PHLDB3: variants seen among roughly 807,000 people sequenced by gnomAD.
The protein encoded by PHLDB3 is pleckstrin homology like domain family B member 3, also known as pleckstrin homology-like domain family B member 3.
Under a neutral mutation model 85.7 loss-of-function variants are expected in PHLDB3, and 86 were observed. That is an observed-to-expected ratio of 1.00 (90% CI 0.84 to 1.20). PHLDB3 has a LOEUF of 1.20. Among genes scored for constraint, PHLDB3 ranks in the 50% most tolerant of loss-of-function variants. The pLI, the probability that PHLDB3 is intolerant of heterozygous loss-of-function variation, is 0.00. For synonymous variants in PHLDB3, 376 were observed against 349.8 expected, an observed-to-expected ratio of 1.07 and a Z score of -0.83; for missense variants, 995 against 873.0, an observed-to-expected ratio of 1.14 and a Z score of -1.76.
chr19:43,495,000 T>G (rs984578064), intron 8 of PHLDB3, among the ~76,000 whole-genome samples, 185 bp from the exon 9 acceptor site: 1 of 90,238 alleles, frequency 1.1e-5, no homozygotes, highest in Non-Finnish European at 2.2e-5. Flanking sequence ...GACTCCTGGC[T>G]CCCTGAGGAG....
At chr19:43,498,378 G>GAGAA (rs980504173) in intron 4 of PHLDB3, among the ~76,000 whole-genome samples, 5 of 150,652 alleles carry the variant, frequency 3.3e-5, no homozygotes, top group Non-Finnish European at 7.4e-5. Flanking sequence ...GAAAGAAAGA[G>GAGAA]AGAAAGAGGG....
intron 13 of PHLDB3, among the ~76,000 whole-genome samples, chr19:43,483,600 C>T (rs1308734388): frequency 9.2e-5 from 14 of 152,062 alleles, no homozygotes; most frequent in South Asian, 2.1e-4. Flanking sequence ...TATAACAAAA[C>T]GCATTGATTC....
Position 43,475,545 on chromosome 19 carries a change from C to G in PHLDB3, c.1789-1G>C. On this transcript the variant is annotated splice_acceptor_variant, in intron 15 of 15. Coordinates refer to ENST00000292140, the MANE Select transcript of PHLDB3 (RefSeq NM_198850.4). LOFTEE classifies it high-confidence loss of function. Reference sequence around the variant, plus strand: ...AGAAGGTCAGGCGGGGGTTGGGGCTCTGGAATAAGCAGAAAGTGAGGGTAA... The same window carrying G: ...AGAAGGTCAGGCGGGGGTTGGGGCTGTGGAATAAGCAGAAAGTGAGGGTAA... 6.2e-7 allele frequency: 1 copy of G among 1,613,816 alleles called. No individual in the cohort carries two copies.
At position 43,490,058 on chromosome 19, in the gene PHLDB3, G is replaced by T. The variant is rs137987045; in HGVS notation, c.1150-2935C>A. On this transcript the variant is annotated intron_variant, in intron 9 of 15. Coordinates refer to ENST00000292140, the MANE Select transcript of PHLDB3 (RefSeq NM_198850.4). ...GAGAGAGAAAAAGGAAGGAAGGAAG[G>T]AAGGAAGGGAAGGAGGAAGGGAGGG... Among the ~76,000 whole-genome samples the T allele has an allele frequency of 1.9e-3, 257 of 135,694 alleles. 1 individual carries two copies. Among genetic ancestry groups the T allele is most frequent in the Admixed American group, 4.2e-3 (55 of 13,112 alleles). 89.0% of individuals were successfully genotyped at this position (135,694 alleles called of 152,430 possible). A position where few individuals can be genotyped will look rare whatever the true frequency, so the allele number is the denominator to read the frequency against.
rs1312481123 is a variant in PHLDB3, at chr19:43,503,984, C to G, written c.135G>C (p.Ser45=). 1 of 1,613,960 alleles carries G rather than the reference C, an allele frequency of 6.2e-7. No individual in the cohort carries two copies. Among genetic ancestry groups the G allele is most frequent in the Non-Finnish European group, 8.5e-7 (1 of 1,179,822 alleles). ...QEASEVLAEP[S]SRGGAEQQAE... ...CCTGCTGCTCAGCTCCCCCGCGGCT[C>G]GAAGGTTCCGCCAGGACTTCGGATG... The change falls in exon 2 of 16, where the codon TCG becomes TCC. Residue 45 remains serine (S), a synonymous_variant. Transcript: ENST00000292140.
chr19:43,486,832 C>A lies in PHLDB3; in HGVS notation c.1288G>T (p.Asp430Tyr). ...EASALPPAVG[D>Y]SGRYPLYQLL... is the part of the protein sequence containing the mutation. Reference sequence around the variant, plus strand: ...TGGTAGAGGGGGTATCTGCCGGAGTCCCCCACTGCTGGCGGGAGAGCTGAG... The same window carrying A: ...TGGTAGAGGGGGTATCTGCCGGAGTACCCCACTGCTGGCGGGAGAGCTGAG... The change falls in exon 11 of 16, where the codon GAC (aspartate) becomes TAC (tyrosine). Residue 430 changes from aspartate to tyrosine, a missense_variant. Asp to Tyr is a radical substitution (Grantham distance 160). Transcript: ENST00000292140. 3 of 1,582,358 alleles carry A rather than the reference C, an allele frequency of 1.9e-6. No homozygotes were observed. The highest frequency in any genetic ancestry group is 1.2e-5 in the South Asian group (1 of 85,594).
Position 43,497,659 on chromosome 19 carries a change from C to G in PHLDB3, c.663+89G>C, listed in dbSNP as rs1336755400. 6 of 1,381,120 alleles carry G rather than the reference C, an allele frequency of 4.3e-6. No individual in the cohort carries two copies. The South Asian group carries it at 6.7e-5, about 15-fold the overall frequency. 85.6% of individuals were successfully genotyped at this position (1,381,120 alleles called of 1,614,324 possible). A position where few individuals can be genotyped will look rare whatever the true frequency, so the allele number is the denominator to read the frequency against. ...CCTGGGAGGCGGAGGTTGCAGTGAG[C>G]CGAGATCGCACCACTGCACTCCAGC... On this transcript the variant is annotated intron_variant, in intron 5 of 15. Transcript: ENST00000292140.
At chr19:43,478,771 C>T (rs1453846879) in intron 14 of PHLDB3, among the ~76,000 whole-genome samples, 1 of 151,870 alleles carries the variant, frequency 6.6e-6, no homozygotes, top group Non-Finnish European at 1.5e-5. Context: ...AAAAATTAGC[C>T]AGGTGTGGTG....
Position 43,501,752 on chromosome 19 carries a change from G to T in PHLDB3, c.516C>A (p.Gly172=). ...LEQQAASEQR[G]RQQREQEQRR... The stretch of plus-strand genomic sequence containing the variant: ...AACAGACCTGTTCCCGCTGCTGGCG[G>T]CCGCGCTGCTCCGAGGCCGCCTGCT... Residue 172 remains glycine, a synonymous_variant, in exon 4 of 16, where the codon GGC becomes GGA. Transcript: ENST00000292140. 1 of 1,584,108 alleles carries T rather than the reference G, an allele frequency of 6.3e-7. No individual in the cohort carries two copies.
chr19:43,502,069 G>A (rs750475728), intron 3 of PHLDB3, 32 bp downstream of exon 3: 106 of 1,547,792 alleles, frequency 6.8e-5, no homozygotes, highest in Non-Finnish European at 8.4e-5. Flanking sequence ...CTTGAGTTGG[G>A]GCCAGGCTTC....
In PHLDB3 at chr19:43,495,562, TC is replaced by T. The variant is rs1971436144; in HGVS notation, c.883del (p.Glu295SerfsTer10). ...VLEEQLKSLG[E>X]QMAAESRGLS... ...CCCCCGGCTCTCGGCTGCCATCTGC[TC>T]CCCCAGTGACTTGAGCTGCTCTTCC... On this transcript the variant is annotated frameshift_variant, in exon 7 of 16. Coordinates refer to ENST00000292140, the MANE Select transcript of PHLDB3 (RefSeq NM_198850.4). LOFTEE classifies it high-confidence loss of function. 1 of 1,610,224 alleles carries T rather than the reference TC, an allele frequency of 6.2e-7. No homozygotes were observed. The highest frequency in any genetic ancestry group is 1.1e-5 in the South Asian group (1 of 90,246).
In PHLDB3 at chr19:43,495,295, A is replaced by G. The variant is rs1472293073; in HGVS notation, c.996T>C (p.Pro332=). The G allele has an allele frequency of 6.2e-7, 1 of 1,613,730 alleles. No homozygotes were observed. Among genetic ancestry groups the G allele is most frequent in the Non-Finnish European group, 8.5e-7 (1 of 1,179,826 alleles). The change falls in exon 8 of 16, where the codon CCT becomes CCC. Residue 332 remains proline, a synonymous_variant. Transcript: ENST00000292140. ...LLELNCLQGT[P]GGDFSEPNPA... is the part of the protein sequence containing the mutation. ...GGTTGGGCTCAGAGAAGTCCCCGCC[A>G]GGTGTTCCCTGAAGGCAATTGAGCT...
chr19:43,479,720 T>C, intron 13 of PHLDB3, 127 bp from the exon 14 acceptor site: 1 of 649,166 alleles, frequency 1.5e-6, no homozygotes, highest in East Asian at 2.7e-5. Flanking sequence ...AGGGTAATAT[T>C]AACTAGGACC....
intron 4 of PHLDB3, among the ~76,000 whole-genome samples, chr19:43,498,431 G>A (rs945824757): frequency 1.1e-4 from 16 of 147,314 alleles, no homozygotes; most frequent in Non-Finnish European, 2.4e-4. Context: ...GAGGGAGGGA[G>A]GGAAGAGAAA....
At chr19:43,476,560 G>C (rs1047695720) in intron 15 of PHLDB3, among the ~76,000 whole-genome samples, 1 of 152,098 alleles carries the variant, frequency 6.6e-6, no homozygotes, top group Admixed American at 6.6e-5. Flanking sequence ...CTACTCAGGA[G>C]GCTGAGGCAG....
At chr19:43,498,387 G>A (rs1971515154) in intron 4 of PHLDB3, among the ~76,000 whole-genome samples, 3 of 150,438 alleles carry the variant, frequency 2.0e-5, no homozygotes, top group African/African-American at 7.3e-5. Flanking sequence ...AGAGAAAGAG[G>A]GAAGGAACGA....
chr19:43,490,426 G>A (rs1415590949), intron 9 of PHLDB3, among the ~76,000 whole-genome samples: 1 of 151,924 alleles, frequency 6.6e-6, no homozygotes, highest in Non-Finnish European at 1.5e-5. Flanking sequence ...CCTGGCGCAT[G>A]TCTGTAATCC....
chr19:43,477,304 A>G (rs558699220), intron 15 of PHLDB3, among the ~76,000 whole-genome samples: 1 of 148,506 alleles, frequency 6.7e-6, no homozygotes, highest in African/African-American at 2.6e-5. Context: ...GCAGATCATG[A>G]GGTCAGGAGT....
At chr19:43,501,527 A>G in intron 4 of PHLDB3, 1 of 937,032 alleles carries the variant, frequency 1.1e-6, no homozygotes, top group Non-Finnish European at 1.5e-6. Context: ...TAGCAAACGG[A>G]CAGGGGACAA....
Sources: gnomAD v4.1 joint callset for allele counts (sites outside exome capture counted in the v4.1 genomes callset) on GRCh38, gnomAD v4.1.1 for gene constraint, MANE v1.5 for transcripts, NCBI Gene and HGNC (gene_info 2026-07-23, HGNC 2026-07-21) for gene names.